Variants in SUCLG2 observed in about 807,000 individuals in gnomAD.
The protein encoded by SUCLG2 is succinate-CoA ligase GDP-forming subunit beta.
A neutral mutation model predicts 47.9 loss-of-function variants in SUCLG2; 42 were observed. That is an observed-to-expected ratio of 0.88 (90% CI 0.69 to 1.14). The LOEUF is 1.14. SUCLG2 is among the 50% of genes most tolerant of loss of function. The pLI is 0.00. For missense variants in SUCLG2, 571 were observed against 525.9 expected, an observed-to-expected ratio of 1.09 and a Z score of -0.84; for synonymous variants, 195 against 197.3, an observed-to-expected ratio of 0.99 and a Z score of 0.10.
chr3:67,630,035 A>G (rs1185998693), intron 1 of SUCLG2, among the ~76,000 whole-genome samples: 3 of 152,154 alleles, frequency 2.0e-5, no homozygotes, highest in Admixed American at 1.3e-4. Flanking sequence ...ATGCATATTG[A>G]GCTTATAAAA....
intron 1 of SUCLG2, among the ~76,000 whole-genome samples, chr3:67,639,100 A>G: frequency 6.6e-6 from 1 of 152,206 alleles, no homozygotes; most frequent in East Asian, 1.9e-4. Flanking sequence ...CAGTTAACGG[A>G]TAATAGTTCC....
intron 2 of SUCLG2, among the ~76,000 whole-genome samples, chr3:67,571,615 A>T (rs1039006841): frequency 6.6e-6 from 1 of 152,238 alleles, no homozygotes; most frequent in South Asian, 2.1e-4. Flanking sequence ...ATAAGACCAT[A>T]TATTAGAACA....
At chr3:67,566,382 C>T (rs1165235822) in intron 2 of SUCLG2, among the ~76,000 whole-genome samples, 1 of 152,026 alleles carries the variant, frequency 6.6e-6, no homozygotes, top group African/African-American at 2.4e-5. Context: ...GAAAAAATCT[C>T]ATATACCATG....
At chr3:67,400,100 T>C (rs1575671029) in intron 10 of SUCLG2, among the ~76,000 whole-genome samples, 2 of 152,172 alleles carry the variant, frequency 1.3e-5, no homozygotes, top group South Asian at 4.1e-4. Flanking sequence ...ATTTTCTTCA[T>C]ATACTTCAAC....
chr3:67,555,839 A>C (rs969682067), intron 2 of SUCLG2, among the ~76,000 whole-genome samples: 2 of 152,250 alleles, frequency 1.3e-5, no homozygotes, highest in African/African-American at 2.4e-5. Flanking sequence ...TATTGGCATA[A>C]TCTCAGAACA....
chr3:67,442,164 C>T (rs6773365), intron 9 of SUCLG2, among the ~76,000 whole-genome samples: 65,848 of 146,070 alleles, frequency 0.45, 15,613 homozygotes, highest in Non-Finnish European at 0.53. Context: ...GCGCCCGCCA[C>T]TACGCCCGGC....
chr3:67,646,868 C>A (rs115089991), intron 1 of SUCLG2, among the ~76,000 whole-genome samples: 65 of 152,210 alleles, frequency 4.3e-4, no homozygotes, highest in Non-Finnish European at 6.6e-4. Flanking sequence ...CACACTATAT[C>A]CAGAAAGAGT....
At chr3:67,630,767 C>T (rs1700911232) in intron 1 of SUCLG2, among the ~76,000 whole-genome samples, 1 of 152,196 alleles carries the variant, frequency 6.6e-6, no homozygotes, top group Non-Finnish European at 1.5e-5. Context: ...CACATGGATA[C>T]CATCAACAGG....
chr3:67,366,405 C>T (rs564334332), intron 10 of SUCLG2, among the ~76,000 whole-genome samples: 1 of 152,236 alleles, frequency 6.6e-6, no homozygotes, highest in East Asian at 1.9e-4. Flanking sequence ...TTCTCCAAGT[C>T]CTGTCCAGTT....
At chr3:67,366,837 G>C (rs1239838233) in intron 10 of SUCLG2, among the ~76,000 whole-genome samples, 4 of 152,156 alleles carry the variant, frequency 2.6e-5, no homozygotes, top group African/African-American at 9.7e-5. Flanking sequence ...CCATGTTTTT[G>C]AGGTGCTGAT....
At chr3:67,489,407 TG>T (rs766125313) in intron 9 of SUCLG2, among the ~76,000 whole-genome samples, 32 of 152,094 alleles carry the variant, frequency 2.1e-4, no homozygotes, top group Non-Finnish European at 2.9e-4. Flanking sequence ...CTATTCTAAG[TG>T]GAAGTGGAGA....
chr3:67,494,993 T>C (rs1017427908), intron 9 of SUCLG2, among the ~76,000 whole-genome samples: 4 of 152,214 alleles, frequency 2.6e-5, no homozygotes, highest in African/African-American at 9.6e-5. Context: ...TATTTGCTAC[T>C]TAGTACATAT....
At chr3:67,635,864 C>T (rs1701001316) in intron 1 of SUCLG2, among the ~76,000 whole-genome samples, 2 of 152,178 alleles carry the variant, frequency 1.3e-5, no homozygotes, top group South Asian at 4.1e-4. Flanking sequence ...GTTTCGACTC[C>T]CCTCCAGGGT....
chr3:67,514,153 A>C lies in SUCLG2; in HGVS notation c.660+4094T>G, dbSNP rs146975036. The C allele has an allele frequency of 1.7e-3, 488 of 294,462 alleles. 5 individuals carry two copies. The highest frequency in any genetic ancestry group is 0.01 in the African/African-American group (455 of 45,234). The allele number at this position is 294,462 out of a possible 1,614,324, so 18.2% of individuals were successfully genotyped here. A position where few individuals can be genotyped will look rare whatever the true frequency, so the allele number is the denominator to read the frequency against. On this transcript the variant is annotated intron_variant, in intron 6 of 10. Coordinates refer to ENST00000307227, the MANE Select transcript of SUCLG2 (RefSeq NM_003848.4). ...TGCCTTGATTTGTTGGACCTATGCAAGATCAGCAAATGTCTATCCTAATTT... is the reference window on the plus strand; with the variant it reads ...TGCCTTGATTTGTTGGACCTATGCACGATCAGCAAATGTCTATCCTAATTT...
At chr3:67,552,169 T>C (rs1707031099) in intron 2 of SUCLG2, among the ~76,000 whole-genome samples, 1 of 79,120 alleles carries the variant, frequency 1.3e-5, no homozygotes, top group Non-Finnish European at 2.2e-5. Context: ...CAAAACTCCA[T>C]CTCAAAAAAA....
chr3:67,519,928 A>T (rs1386599159), intron 5 of SUCLG2, among the ~76,000 whole-genome samples: 1 of 152,168 alleles, frequency 6.6e-6, no homozygotes. Flanking sequence ...ATTAAATTTG[A>T]CCTCAGATCT....
At chr3:67,598,072 C>G (rs1316186000) in intron 2 of SUCLG2, among the ~76,000 whole-genome samples, 1 of 152,022 alleles carries the variant, frequency 6.6e-6, no homozygotes, top group Non-Finnish European at 1.5e-5. Flanking sequence ...CCTCTGCCTC[C>G]TGGGTTCCAG....
intron 9 of SUCLG2, among the ~76,000 whole-genome samples, chr3:67,401,933 G>T (rs1254369153): frequency 6.6e-6 from 1 of 152,100 alleles, no homozygotes; most frequent in Non-Finnish European, 1.5e-5. Context: ...TTTTTATTGT[G>T]AGCCTTCCCA....
intron 9 of SUCLG2, among the ~76,000 whole-genome samples, chr3:67,470,029 G>A (rs1161279127): frequency 2.9e-5 from 4 of 138,110 alleles, no homozygotes; most frequent in African/African-American, 1.1e-4. Flanking sequence ...TGGGCAACAA[G>A]AGTGAAACTC....
Sources: gnomAD v4.1 joint callset for allele counts (sites outside exome capture counted in the v4.1 genomes callset) on GRCh38, gnomAD v4.1.1 for gene constraint, MANE v1.5 for transcripts, NCBI Gene and HGNC (gene_info 2026-07-23, HGNC 2026-07-21) for gene names.